Variants in TBC1D1 observed in about 807,000 individuals in gnomAD.
The protein encoded by TBC1D1 is TBC1 (tre-2/USP6, BUB2, cdc16) domain family, member 1.
In TBC1D1, 89 loss-of-function variants were observed where a neutral mutation model predicts 125.6. The observed-to-expected ratio is 0.71, with a 90% CI of 0.60 to 0.85. TBC1D1 has a LOEUF of 0.85. Ranked by LOEUF, TBC1D1 falls within the 40% of genes least tolerant of loss-of-function variation. TBC1D1 has a pLI of 0.00. For synonymous variants in TBC1D1, 565 were observed against 564.1 expected (o/e 1.00, Z -0.02); for missense variants, 1,377 against 1,469.2 (o/e 0.94, Z 1.03).
intron 2 of TBC1D1, among the ~76,000 whole-genome samples, chr4:38,000,855 G>A (rs1738909285): frequency 6.6e-6 from 1 of 152,130 alleles, no homozygotes; most frequent in Non-Finnish European, 1.5e-5. Flanking sequence ...CCTCCTCAGG[G>A]TCAGTCATTT....
chr4:38,080,474 G>A (rs532363302), intron 12 of TBC1D1, among the ~76,000 whole-genome samples: 143 of 152,318 alleles, frequency 9.4e-4, no homozygotes, highest in Middle Eastern at 3.4e-3. Flanking sequence ...CACCTGACCT[G>A]ACCCACCTCT....
At chr4:37,949,195 T>G (rs1380074807) in intron 2 of TBC1D1, among the ~76,000 whole-genome samples, 2 of 152,248 alleles carry the variant, frequency 1.3e-5, no homozygotes, top group African/African-American at 4.8e-5. Flanking sequence ...ATCATCTGGT[T>G]CATTTTGTAT....
At chr4:38,015,775 T>A (rs1191004884) in intron 3 of TBC1D1, among the ~76,000 whole-genome samples, 2 of 152,290 alleles carry the variant, frequency 1.3e-5, no homozygotes, top group South Asian at 4.2e-4. Flanking sequence ...TGTGTCTAAT[T>A]CAGGGCACAG....
intron 2 of TBC1D1, among the ~76,000 whole-genome samples, chr4:38,009,403 TTC>T (rs771412407): frequency 1.2e-4 from 19 of 152,208 alleles, no homozygotes; most frequent in Non-Finnish European, 2.8e-4. Context: ...TAATATTTGT[TTC>T]TTACTTGTTG....
intron 2 of TBC1D1, among the ~76,000 whole-genome samples, chr4:37,963,658 A>G (rs1205615891): frequency 5.9e-5 from 9 of 152,360 alleles, no homozygotes; most frequent in Non-Finnish European, 1.3e-4. Flanking sequence ...TTCCGTGTCA[A>G]AAAAATACCC....
chr4:38,094,753 C>T (rs16994217), intron 13 of TBC1D1, among the ~76,000 whole-genome samples: 30,752 of 151,966 alleles, frequency 0.2, 3,976 homozygotes, highest in African/African-American at 0.37. Context: ...GAGGAACGTA[C>T]GTTGGCATCC....
chr4:38,013,614 ATTGCACAGC>A (rs1392240296), intron 2 of TBC1D1, among the ~76,000 whole-genome samples: 3 of 152,218 alleles, frequency 2.0e-5, no homozygotes, highest in Non-Finnish European at 4.4e-5. Flanking sequence ...CATCTGAGCA[ATTGCACAGC>A]TGTTTCATTC....
intron 6 of TBC1D1, among the ~76,000 whole-genome samples, chr4:38,023,705 C>T (rs1443220735): frequency 6.6e-6 from 1 of 152,092 alleles, no homozygotes; most frequent in Non-Finnish European, 1.5e-5. Flanking sequence ...TTTGTTGATC[C>T]ATTTACTCGT....
chr4:37,981,728 A>G (rs1734370647), intron 2 of TBC1D1, among the ~76,000 whole-genome samples: 1 of 152,152 alleles, frequency 6.6e-6, no homozygotes, highest in Non-Finnish European at 1.5e-5. Flanking sequence ...AAGGTGGGCC[A>G]GGCTGTTTAT....
chr4:37,904,514 T>G (rs980997683), intron 2 of TBC1D1, among the ~76,000 whole-genome samples: 2 of 152,186 alleles, frequency 1.3e-5, no homozygotes, highest in East Asian at 3.8e-4. Flanking sequence ...TTTGACTCTT[T>G]CCCAAAATCT....
At chr4:37,907,282 G>A (rs1267283262) in intron 2 of TBC1D1, among the ~76,000 whole-genome samples, 1 of 152,304 alleles carries the variant, frequency 6.6e-6, no homozygotes, top group Admixed American at 6.5e-5. Context: ...GCTACAACTC[G>A]ACAAGTGGTA....
chr4:38,051,954 C>T (rs1750639229), intron 11 of TBC1D1: 2 of 1,550,756 alleles, frequency 1.3e-6, no homozygotes, highest in Non-Finnish European at 1.7e-6. Flanking sequence ...GTCTTCAGCT[C>T]CTGCTCCTCC....
rs373474764 is a variant in TBC1D1 at position 38,090,177 on chromosome 4, A to G, written c.2236+60A>G. 17 of 1,528,424 alleles carry G rather than the reference A, an allele frequency of 1.1e-5. No homozygotes were observed. In the African/African-American group the frequency reaches 2.4e-4, roughly 21 times the overall value. The allele number at this position is 1,528,424 out of a possible 1,614,324, so 94.7% of individuals were successfully genotyped here. A position where few individuals can be genotyped will look rare whatever the true frequency, so the allele number is the denominator to read the frequency against. ...TCTTATCTTGGCTCTGAAGTTAATC[A>G]CATCAGACATAAGCATGCTGTCTTA... On this transcript the variant is annotated intron_variant, in intron 13 of 19. Coordinates refer to ENST00000261439, the MANE Select transcript of TBC1D1 (RefSeq NM_015173.4).
chr4:38,025,968 G>A (rs1745002290), intron 6 of TBC1D1, among the ~76,000 whole-genome samples: 1 of 152,156 alleles, frequency 6.6e-6, no homozygotes, highest in Admixed American at 6.5e-5. Flanking sequence ...TAGTCAGGGA[G>A]GGCAGTGGAG....
At chr4:38,006,122 T>G (rs893710729) in intron 2 of TBC1D1, among the ~76,000 whole-genome samples, 1 of 152,172 alleles carries the variant, frequency 6.6e-6, no homozygotes, top group African/African-American at 2.4e-5. Flanking sequence ...TTGTTAAAAA[T>G]TTTTGATATG....
chr4:37,966,573 A>G (rs1283028606), intron 2 of TBC1D1, among the ~76,000 whole-genome samples: 3 of 152,246 alleles, frequency 2.0e-5, no homozygotes, highest in Non-Finnish European at 4.4e-5. Flanking sequence ...ACTAAGATGC[A>G]GATGGTGGTT....
intron 12 of TBC1D1, among the ~76,000 whole-genome samples, chr4:38,079,436 G>A (rs1756156394): frequency 6.6e-6 from 1 of 152,180 alleles, no homozygotes; most frequent in Non-Finnish European, 1.5e-5. Context: ...GAAAAACATG[G>A]TGATATGGCC....
intron 2 of TBC1D1, among the ~76,000 whole-genome samples, chr4:37,956,752 G>A (rs1388791861): frequency 6.6e-6 from 1 of 152,026 alleles, no homozygotes; most frequent in Non-Finnish European, 1.5e-5. Context: ...TTCAAGACCA[G>A]CCTGGCCAAC....
intron 2 of TBC1D1, among the ~76,000 whole-genome samples, chr4:37,925,944 C>T (rs1366680372): frequency 6.6e-6 from 1 of 152,126 alleles, no homozygotes; most frequent in African/African-American, 2.4e-5. Context: ...CTACTTTTGA[C>T]AGATTTAAAT....
Sources: allele counts gnomAD v4.1 joint callset (sites outside exome capture counted in the v4.1 genomes callset), GRCh38; gene constraint gnomAD v4.1.1; transcripts MANE v1.5; gene names NCBI Gene and HGNC (gene_info 2026-07-23, HGNC 2026-07-21).